The following ANKS1A variants were observed in gnomAD, a reference collection of about 807,000 sequenced individuals.
ANKS1A encodes ankyrin repeat and SAM domain-containing protein 1A.
A neutral mutation model predicts 120.3 loss-of-function variants in ANKS1A; 55 were observed. The ratio of observed to expected loss-of-function variants is 0.46; its 90% CI spans 0.37 to 0.57. The LOEUF (loss-of-function observed/expected upper bound fraction) is 0.57, where lower values mean the gene tolerates loss of function less well. ANKS1A is among the 20% of genes least tolerant of loss of function. The pLI is 0.00. For missense variants in ANKS1A, 1,123 were observed against 1,480.3 expected (o/e 0.76, Z 3.96); for synonymous variants, 590 against 604.7 (o/e 0.98, Z 0.36).
Position 35,079,805 on chromosome 6 carries a change from G to A in ANKS1A, c.2437-16G>A. 2 of 1,585,806 alleles carry A rather than the reference G, an allele frequency of 1.3e-6. No homozygotes were observed. The highest frequency in any genetic ancestry group is 1.7e-6 in the Non-Finnish European group (2 of 1,165,740). On this transcript the variant is annotated splice_polypyrimidine_tract_variant and intron_variant, in intron 15 of 23. Transcript: ENST00000360359. ...TGGCCACCTGACCTGTCACCTCGCT[G>A]CTCCTCATCACCCAGGTCCTGAAGG...
chr6:35,070,061 A>G (rs1280796804), intron 13 of ANKS1A, among the ~76,000 whole-genome samples: 1 of 149,638 alleles, frequency 6.7e-6, no homozygotes, highest in African/African-American at 2.5e-5. Flanking sequence ...GGTGTCTCAC[A>G]ATGTTGCTCA....
At chr6:35,000,841 AT>A in intron 10 of ANKS1A, among the ~76,000 whole-genome samples, 1 of 152,268 alleles carries the variant, frequency 6.6e-6, no homozygotes, top group South Asian at 2.1e-4. Context: ...AAAAAAAATT[AT>A]TGCTTTGAAA....
At chr6:35,001,724 G>C (rs1561904435) in intron 10 of ANKS1A, among the ~76,000 whole-genome samples, 2 of 152,224 alleles carry the variant, frequency 1.3e-5, no homozygotes, top group Non-Finnish European at 2.9e-5. Context: ...ATGTGTGGTG[G>C]TATTGTGGTG....
intron 1 of ANKS1A, among the ~76,000 whole-genome samples, chr6:34,934,180 C>G (rs1346617763): frequency 1.3e-5 from 2 of 152,026 alleles, no homozygotes; most frequent in Non-Finnish European, 2.9e-5. Context: ...CGGAGTCTTG[C>G]TTTGTCACCC....
chr6:34,901,831 G>T (rs957035272), intron 1 of ANKS1A, among the ~76,000 whole-genome samples: 1 of 152,152 alleles, frequency 6.6e-6, no homozygotes, highest in Non-Finnish European at 1.5e-5. Context: ...TGTTCTGTTT[G>T]TGAGGCCTTT....
At position 35,084,158 on chromosome 6, in the gene ANKS1A, G is replaced by A. The variant is rs1777836025; in HGVS notation, c.3032G>A (p.Cys1011Tyr). ...IAEHEIRNIS[C>Y]AAQDPEDLCT... ...GAGCACGAGATCCGGAACATTTCCT[G>A]TGCGGCCCAGGACCCGGAGGACCTC... The change falls in exon 21 of 24, where the codon TGT becomes TAT. Residue 1011 changes from cysteine to tyrosine, a missense_variant. By Grantham distance (194) the Cys-to-Tyr change is radical (BLOSUM62 -2). Transcript: ENST00000360359. This position sits in a 1 kb window ranked among gnomAD's most constrained non-coding sequence, Gnocchi z 4.8. The A allele has an allele frequency of 1.2e-6, 2 of 1,614,196 alleles. No homozygotes were observed. Among genetic ancestry groups the A allele is most frequent in the Non-Finnish European group, 1.7e-6 (2 of 1,180,038 alleles).
At chr6:34,896,953 G>A (rs896938937) in intron 1 of ANKS1A, among the ~76,000 whole-genome samples, 5 of 152,050 alleles carry the variant, frequency 3.3e-5, no homozygotes, top group Non-Finnish European at 7.4e-5. Flanking sequence ...AAAAAAGAGC[G>A]AAACTCCATC....
chr6:34,941,426 T>C (rs1769529526), intron 1 of ANKS1A, among the ~76,000 whole-genome samples: 1 of 151,910 alleles, frequency 6.6e-6, no homozygotes. Context: ...GCTTAATATA[T>C]TATTATTATT....
intron 11 of ANKS1A, among the ~76,000 whole-genome samples, chr6:35,020,936 G>A (rs1368583504): frequency 6.6e-6 from 1 of 152,174 alleles, no homozygotes; most frequent in Non-Finnish European, 1.5e-5. Context: ...AAACTTAAAG[G>A]CAATTGAGGT....
At chr6:34,954,521 G>T in intron 1 of ANKS1A, among the ~76,000 whole-genome samples, 1 of 152,200 alleles carries the variant, frequency 6.6e-6, no homozygotes, top group Admixed American at 6.5e-5. Context: ...TGCTGGCTTT[G>T]TGGAACAAGG....
intron 1 of ANKS1A, among the ~76,000 whole-genome samples, chr6:34,921,003 C>G (rs1377287417): frequency 1.3e-5 from 2 of 152,098 alleles, no homozygotes; most frequent in African/African-American, 4.8e-5. Flanking sequence ...TGTGCAGTTG[C>G]AATACTTGAA....
At chr6:34,897,358 T>C (rs1432542284) in intron 1 of ANKS1A, among the ~76,000 whole-genome samples, 2 of 152,176 alleles carry the variant, frequency 1.3e-5, no homozygotes, top group Non-Finnish European at 2.9e-5. Flanking sequence ...CCACATTGGA[T>C]TGTTCACCCC....
At position 35,013,590 on chromosome 6, in the gene ANKS1A, C is replaced by T. The variant is rs571392685; in HGVS notation, c.1424-3883C>T. 3.3e-5 allele frequency among the ~76,000 whole-genome samples: 5 copies of T among 152,310 alleles called. No homozygotes were observed. In the South Asian group the frequency reaches 6.2e-4, roughly 19 times the overall value. On this transcript the variant is annotated intron_variant, in intron 10 of 23. Transcript: ENST00000360359. ...GATTACAGGCGTGAGCCACCACACCCGGCCTCTTTATCCTCATATCCACCT... is the reference window on the plus strand; with the variant it reads ...GATTACAGGCGTGAGCCACCACACCTGGCCTCTTTATCCTCATATCCACCT...
In ANKS1A at chr6:34,889,460, G is replaced by T; in HGVS notation, c.58G>T (p.Glu20Ter). Residue 20 changes from glutamate to a stop codon, truncating the protein, a stop_gained, in exon 1 of 24, where the codon GAG becomes TAG. Transcript: ENST00000360359. LOFTEE classifies it high-confidence loss of function. The surrounding 1 kb of genome is among the most constrained non-coding windows in gnomAD (Gnocchi z 5.5). ...AARTGHLPAVEKLLSGKRLSS... is the reference protein window; with the variant it reads ...AARTGHLPAV ...CCGCACCGGGCACCTCCCGGCGGTG[G>T]AGAAGCTGCTGTCCGGGAAGCGGCT... is the stretch of plus-strand genomic sequence containing the variant. 1 of 1,289,268 alleles carries T rather than the reference G, an allele frequency of 7.8e-7. No homozygotes were observed. 79.9% of individuals were successfully genotyped at this position (1,289,268 alleles called of 1,614,324 possible).
At chr6:34,987,164 T>C (rs1772256623) in intron 8 of ANKS1A, among the ~76,000 whole-genome samples, 1 of 152,210 alleles carries the variant, frequency 6.6e-6, no homozygotes, top group South Asian at 2.1e-4. Flanking sequence ...TAATTAACTA[T>C]GGCAAAGGGC....
In ANKS1A at chr6:34,988,418, A is replaced by C. The variant is rs540176659; in HGVS notation, c.1210-806A>C. The stretch of plus-strand genomic sequence containing the variant: ...CAGACCATCCTGGGTAACATGGTGA[A>C]ACCCTGTCTCTACTAAAAATACAAA... On this transcript the variant is annotated intron_variant, in intron 8 of 23. Coordinates refer to ENST00000360359, the MANE Select transcript of ANKS1A (RefSeq NM_015245.3). Among the ~76,000 whole-genome samples the C allele has an allele frequency of 1.3e-3, 196 of 152,312 alleles. 2 individuals carry two copies. The highest frequency in any genetic ancestry group is 6.8e-3 in the Middle Eastern group (2 of 294).
chr6:34,962,645 CA>C (rs1770697286), intron 1 of ANKS1A, among the ~76,000 whole-genome samples: 1 of 151,610 alleles, frequency 6.6e-6, no homozygotes, highest in Non-Finnish European at 1.5e-5. Context: ...AAAAATTAGC[CA>C]GGCATGGTGG....
intron 10 of ANKS1A, chr6:35,005,813 G>T (rs1001085804): frequency 4.7e-5 from 20 of 429,696 alleles, no homozygotes; most frequent in African/African-American, 4.2e-4. Context: ...AGCACTTTGG[G>T]ACCCCAAGGT....
intron 11 of ANKS1A, among the ~76,000 whole-genome samples, chr6:35,046,120 G>A (rs181633316): frequency 1.3e-5 from 2 of 152,300 alleles, no homozygotes; most frequent in East Asian, 1.9e-4. Flanking sequence ...ACTCACAGAT[G>A]TAGGGATCCA....
Sources: gnomAD v4.1 joint callset for allele counts (sites outside exome capture counted in the v4.1 genomes callset) on GRCh38, gnomAD v4.1.1 for gene constraint, Gnocchi (gnomAD v3.1) non-coding constraint, MANE v1.5 for transcripts, NCBI Gene and HGNC (gene_info 2026-07-23, HGNC 2026-07-21) for gene names.